The following RPSA2 variants were observed in gnomAD, a reference collection of about 807,000 sequenced individuals.
RPSA2 encodes small ribosomal subunit protein uS2B.
chr19:23,861,514 C>T, the RPSA2 span, among the ~76,000 whole-genome samples: 1 of 152,124 alleles, frequency 6.6e-6, no homozygotes, highest in East Asian at 1.9e-4. Context: ...CCAATGAGAA[C>T]ATGTTAAAAA....
the RPSA2 span, chr19:23,799,591 A>T: frequency 6.9e-6 from 1 of 145,772 alleles, no homozygotes; most frequent in African/African-American, 2.6e-5. Flanking sequence ...CCGCAGTGGC[A>T]GATGGTAGGA....
the RPSA2 span, chr19:23,842,716 T>C: frequency 6.6e-6 from 1 of 152,298 alleles, no homozygotes; most frequent in African/African-American, 2.4e-5. Context: ...CTAAGGCTTC[T>C]ATTTTCTCCC....
the RPSA2 span, among the ~76,000 whole-genome samples, chr19:23,765,019 C>A: frequency 6.6e-6 from 1 of 152,148 alleles, no homozygotes; most frequent in African/African-American, 2.4e-5. Context: ...AGTATCATCC[C>A]CTGAGTCGTC....
the RPSA2 span, among the ~76,000 whole-genome samples, chr19:23,765,738 T>G: frequency 3.3e-5 from 5 of 152,280 alleles, no homozygotes; most frequent in African/African-American, 1.2e-4. Context: ...AATTTACCTA[T>G]GTAAAAAATT....
chr19:23,827,413 G>T, the RPSA2 span: 32 of 1,464,540 alleles, frequency 2.2e-5, no homozygotes, highest in Non-Finnish European at 2.8e-5. Flanking sequence ...ATACTGGCCA[G>T]AGGGCTGTGC....
the RPSA2 span, among the ~76,000 whole-genome samples, chr19:23,762,492 A>G: frequency 2.0e-5 from 3 of 151,666 alleles, no homozygotes; most frequent in Non-Finnish European, 4.4e-5. Flanking sequence ...CCTGGCCAAC[A>G]TGGTGAAACC....
the RPSA2 span, among the ~76,000 whole-genome samples, chr19:23,773,945 T>G: frequency 2.0e-5 from 3 of 152,018 alleles, no homozygotes; most frequent in African/African-American, 7.2e-5. Context: ...ATTTCATCCC[T>G]GCACCTTCCT....
chr19:23,764,044 T>C, the RPSA2 span, among the ~76,000 whole-genome samples: 1 of 152,224 alleles, frequency 6.6e-6, no homozygotes, highest in Non-Finnish European at 1.5e-5. Context: ...AATTCAATTA[T>C]GATTGAATTT....
At chr19:23,789,971 C>T in the RPSA2 span, among the ~76,000 whole-genome samples, 1 of 151,998 alleles carries the variant, frequency 6.6e-6, no homozygotes, top group Admixed American at 6.6e-5. Context: ...AGCCACTGCG[C>T]CTGCCCCCCA....
the RPSA2 span, among the ~76,000 whole-genome samples, chr19:23,834,062 C>G: frequency 6.6e-6 from 1 of 152,018 alleles, no homozygotes; most frequent in African/African-American, 2.4e-5. Context: ...CCAAAATTGT[C>G]TATGTAAATA....
chr19:23,861,495 C>T, the RPSA2 span, among the ~76,000 whole-genome samples: 12 of 152,178 alleles, frequency 7.9e-5, no homozygotes, highest in Admixed American at 1.3e-4. Context: ...CTTCCACATA[C>T]TATCCTTTCC....
the RPSA2 span, among the ~76,000 whole-genome samples, chr19:23,766,604 A>G: frequency 1.2e-4 from 18 of 151,452 alleles, no homozygotes; most frequent in African/African-American, 4.4e-4. Context: ...ACAGGCGCCC[A>G]CCACCTTGCC....
chr19:23,762,317 G>C, the RPSA2 span, among the ~76,000 whole-genome samples: 3 of 152,124 alleles, frequency 2.0e-5, no homozygotes, highest in African/African-American at 7.2e-5. Flanking sequence ...GTGTGGTACG[G>C]CATGGTGAGA....
At chr19:23,853,541 G>A in the RPSA2 span, among the ~76,000 whole-genome samples, 1 of 152,206 alleles carries the variant, frequency 6.6e-6, no homozygotes, top group Non-Finnish European at 1.5e-5. Context: ...GCATGGCATT[G>A]GCTGCCATTA....
the RPSA2 span, among the ~76,000 whole-genome samples, chr19:23,841,765 CT>C: frequency 2.0e-5 from 3 of 152,232 alleles, no homozygotes; most frequent in Non-Finnish European, 4.4e-5. Context: ...CTGTGTACTC[CT>C]TACACTCAGT....
chr19:23,837,408 T>C, the RPSA2 span, among the ~76,000 whole-genome samples: 10 of 152,316 alleles, frequency 6.6e-5, no homozygotes, highest in Admixed American at 4.6e-4. Flanking sequence ...GGTAGTGTGT[T>C]TCCTCCAGAT....
At chr19:23,761,927 T>TCTCTCTCTCGC in the RPSA2 span, among the ~76,000 whole-genome samples, 5 of 62,392 alleles carry the variant, frequency 8.0e-5, 1 homozygote, top group South Asian at 6.6e-4. Context: ...TTTCTTTTTT[T>TCTCTCTCTCGC]TTTTTTTTGA....
At chr19:23,798,120 G>C in the RPSA2 span, among the ~76,000 whole-genome samples, 1 of 151,652 alleles carries the variant, frequency 6.6e-6, no homozygotes, top group Admixed American at 6.6e-5. Context: ...CTTTGTTTCT[G>C]CTTTGGCAAA....
the RPSA2 span, among the ~76,000 whole-genome samples, chr19:23,803,471 T>C: frequency 2.3e-3 from 350 of 152,306 alleles, 1 homozygote; most frequent in African/African-American, 8.0e-3. Flanking sequence ...CCTGCAGATA[T>C]AGTTGTTGAT....
Sources: gnomAD v4.1 joint callset for allele counts (sites outside exome capture counted in the v4.1 genomes callset) on GRCh38, gnomAD v4.1.1 for gene constraint, MANE v1.5 for transcripts, NCBI Gene and HGNC (gene_info 2026-07-23, HGNC 2026-07-21) for gene names.